The following PDE1C variants were observed in gnomAD, a reference collection of about 807,000 sequenced individuals.
The protein encoded by PDE1C is dual specificity calcium/calmodulin-dependent 3',5'-cyclic nucleotide phosphodiesterase 1C.
PDE1C carries 62 observed loss-of-function variants against 93.1 expected under a neutral mutation model. The observed-to-expected ratio is 0.67, with a 90% CI of 0.54 to 0.82. PDE1C has a LOEUF of 0.82. Ranked by LOEUF, PDE1C falls within the 40% of genes least tolerant of loss-of-function variation. The probability of loss-of-function intolerance (pLI) is 0.00; values close to 1 mark genes in which losing one functional copy is unlikely to be tolerated. For synonymous variants in PDE1C, 325 were observed against 310.1 expected (o/e 1.05, Z -0.50); for missense variants, 742 against 884.6 (o/e 0.84, Z 2.04).
At chr7:31,634,863 A>C in the PDE1C span, among the ~76,000 whole-genome samples, 1 of 152,314 alleles carries the variant, frequency 6.6e-6, no homozygotes, top group East Asian at 1.9e-4. Context: ...GTAAGGAAGA[A>C]CTGTGGCTCC....
chr7:31,934,387 G>T (rs1469369142), intron 2 of PDE1C, among the ~76,000 whole-genome samples: 1 of 152,122 alleles, frequency 6.6e-6, no homozygotes, highest in Non-Finnish European at 1.5e-5. Context: ...GTTCATAAGT[G>T]TAATTCAGAC....
chr7:32,232,456 A>G (rs1050299403), intron 1 of PDE1C, among the ~76,000 whole-genome samples: 1 of 152,076 alleles, frequency 6.6e-6, no homozygotes, highest in Admixed American at 6.6e-5. Flanking sequence ...AGTGGAGTAA[A>G]CCCCCATTGC....
At chr7:31,771,689 T>C (rs951112029) in intron 17 of PDE1C, among the ~76,000 whole-genome samples, 1 of 152,190 alleles carries the variant, frequency 6.6e-6, no homozygotes, top group Non-Finnish European at 1.5e-5. Context: ...GAGCTGCCTT[T>C]TCACTGTATT....
At chr7:32,418,865 C>A (rs2128099186) in intron 1 of PDE1C, among the ~76,000 whole-genome samples, 1 of 152,276 alleles carries the variant, frequency 6.6e-6, no homozygotes, top group South Asian at 2.1e-4. Flanking sequence ...TGAGGTCCAC[C>A]CGACTCCTGG....
chr7:31,679,510 T>C, the PDE1C span, among the ~76,000 whole-genome samples: 2 of 152,236 alleles, frequency 1.3e-5, no homozygotes, highest in African/African-American at 4.8e-5. Flanking sequence ...GTCAACACTT[T>C]TCCTTATGTT....
At chr7:32,384,258 A>G (rs1784586249) in intron 1 of PDE1C, among the ~76,000 whole-genome samples, 1 of 152,256 alleles carries the variant, frequency 6.6e-6, no homozygotes, top group Admixed American at 6.5e-5. Flanking sequence ...ATTCTAGTCT[A>G]GATGGGGAGA....
At chr7:31,997,382 C>A (rs1203472518) in intron 2 of PDE1C, among the ~76,000 whole-genome samples, 1 of 152,216 alleles carries the variant, frequency 6.6e-6, no homozygotes, top group Non-Finnish European at 1.5e-5. Context: ...CCATCCCTCA[C>A]CCCCACTCAC....
chr7:31,960,448 T>C (rs78044869), intron 2 of PDE1C, among the ~76,000 whole-genome samples: 3,363 of 152,168 alleles, frequency 0.022, 47 homozygotes, highest in African/African-American at 0.037. Context: ...ACCAAGGTCA[T>C]GAAAGCAAAG....
chr7:32,195,747 T>A (rs1186528502), intron 2 of PDE1C, among the ~76,000 whole-genome samples: 1 of 152,198 alleles, frequency 6.6e-6, no homozygotes, highest in Non-Finnish European at 1.5e-5. Context: ...TCTTCAGGTT[T>A]ATCCTGTTTG....
chr7:31,987,667 G>C lies in PDE1C; in HGVS notation c.128+63887C>G, dbSNP rs528865518. 9.2e-5 allele frequency among the ~76,000 whole-genome samples: 14 copies of C among 152,244 alleles called. No homozygotes were observed. The East Asian group carries it at 2.7e-3, about 29-fold the overall frequency. ...ACCAACTTATTTAGCATCACTATGT[G>C]TTTTTTGTTTTTCTTAGAGAACAGT... is the stretch of plus-strand genomic sequence containing the variant. On this transcript the variant is annotated intron_variant, in intron 2 of 17. Transcript: ENST00000396191.
the PDE1C span, among the ~76,000 whole-genome samples, chr7:31,639,752 C>T: frequency 1.3e-5 from 2 of 151,552 alleles, no homozygotes; most frequent in Non-Finnish European, 2.9e-5. Flanking sequence ...TAGCCAGGCT[C>T]GTCTTGAACT....
Position 32,211,317 on chromosome 7 carries a change from T to C in PDE1C, c.86-1778A>G, listed in dbSNP as rs140255201. Among the ~76,000 whole-genome samples, 1,057 of 152,324 alleles carry C rather than the reference T, an allele frequency of 6.9e-3. 11 individuals are homozygous for C. Among genetic ancestry groups the C allele is most frequent in the African/African-American group, 0.024 (1,008 of 41,564 alleles). On this transcript the variant is annotated intron_variant, in intron 1 of 18. Coordinates refer to the PDE1C transcript ENST00000396193. Reference sequence around the variant, plus strand: ...AAAGATCTAGAAGTTCTAAGAACAATGGCTATTCTTGCTGTCTTCTAAAAT... The same window carrying C: ...AAAGATCTAGAAGTTCTAAGAACAACGGCTATTCTTGCTGTCTTCTAAAAT...
At chr7:31,735,137 G>A in the PDE1C span, among the ~76,000 whole-genome samples, 3 of 152,184 alleles carry the variant, frequency 2.0e-5, no homozygotes, top group African/African-American at 7.2e-5. Flanking sequence ...AGTGGCTCAC[G>A]CCTGAAATCC....
At chr7:32,241,109 G>C (rs1319200702) in intron 1 of PDE1C, among the ~76,000 whole-genome samples, 1 of 152,186 alleles carries the variant, frequency 6.6e-6, no homozygotes, top group Non-Finnish European at 1.5e-5. Flanking sequence ...TCTATGTTCT[G>C]TCTGAGAGTC....
At chr7:31,794,077 C>CAGATAGATAGAT (rs1196325805) in intron 16 of PDE1C, among the ~76,000 whole-genome samples, 7 of 135,184 alleles carry the variant, frequency 5.2e-5, no homozygotes, top group Middle Eastern at 3.8e-3. Context: ...GACAGACAGA[C>CAGATAGATAGAT]AGACAGACAG....
the PDE1C span, among the ~76,000 whole-genome samples, chr7:31,640,500 C>A: frequency 6.6e-6 from 1 of 152,228 alleles, no homozygotes; most frequent in Non-Finnish European, 1.5e-5. Flanking sequence ...CTGCAAGGCT[C>A]AGCCTGGGTT....
chr7:32,183,835 A>G (rs1278374988), intron 2 of PDE1C, among the ~76,000 whole-genome samples: 3 of 152,220 alleles, frequency 2.0e-5, no homozygotes, highest in African/African-American at 7.2e-5. Context: ...TCTGCACAGC[A>G]AAAGAAACTA....
At chr7:32,008,204 T>C (rs532142977) in intron 2 of PDE1C, among the ~76,000 whole-genome samples, 2 of 152,292 alleles carry the variant, frequency 1.3e-5, no homozygotes, top group Admixed American at 1.3e-4. Flanking sequence ...TCAAGCCCCA[T>C]GCCACTACCT....
intron 1 of PDE1C, among the ~76,000 whole-genome samples, chr7:32,339,968 T>C (rs950824688): frequency 2.6e-5 from 4 of 152,012 alleles, no homozygotes; most frequent in African/African-American, 9.7e-5. Context: ...AGGTGCAGAG[T>C]TGGTGGGTAG....
Sources: gnomAD v4.1 joint callset for allele counts (sites outside exome capture counted in the v4.1 genomes callset) on GRCh38, gnomAD v4.1.1 for gene constraint, MANE v1.5 for transcripts, NCBI Gene and HGNC (gene_info 2026-07-23, HGNC 2026-07-21) for gene names.